The following RHOU variants were observed in gnomAD, a reference collection of about 807,000 sequenced individuals.
RHOU encodes the protein rho-related GTP-binding protein RhoU.
Under a neutral mutation model 12.6 loss-of-function variants are expected in RHOU, and 8 were observed. The observed-to-expected ratio is 0.64, with a 90% CI of 0.37 to 1.15. The LOEUF is 1.15. RHOU is among the 50% of genes most tolerant of loss of function. RHOU has a pLI of 0.01. For synonymous variants in RHOU, 161 were observed against 147.4 expected, an observed-to-expected ratio of 1.09 and a Z score of -0.67; for missense variants, 258 against 347.0, an observed-to-expected ratio of 0.74 and a Z score of 2.04.
At chr1:228,662,267 T>A in the RHOU span, among the ~76,000 whole-genome samples, 1 of 152,192 alleles carries the variant, frequency 6.6e-6, no homozygotes, top group East Asian at 1.9e-4. Context: ...TGGAAGACAG[T>A]GTGGCGATTC....
the RHOU span, among the ~76,000 whole-genome samples, chr1:228,659,133 C>T: frequency 6.6e-6 from 1 of 152,178 alleles, no homozygotes. Context: ...AATCCCAGCA[C>T]TTTGGGAGGC....
chr1:228,707,747 G>C, the RHOU span, among the ~76,000 whole-genome samples: 1 of 152,306 alleles, frequency 6.6e-6, no homozygotes, highest in East Asian at 1.9e-4. Flanking sequence ...AAAAAGCAGA[G>C]TGCCTCTCCT....
the RHOU span, among the ~76,000 whole-genome samples, chr1:228,699,882 C>T: frequency 6.6e-6 from 1 of 152,134 alleles, no homozygotes; most frequent in African/African-American, 2.4e-5. Flanking sequence ...AATGAAATCT[C>T]TCTATAAATC....
At chr1:228,653,026 A>G in the RHOU span, among the ~76,000 whole-genome samples, 2 of 152,372 alleles carry the variant, frequency 1.3e-5, no homozygotes, top group African/African-American at 4.8e-5. Context: ...TCACCTCTAT[A>G]GCAAGATACA....
chr1:228,675,748 A>G, the RHOU span, among the ~76,000 whole-genome samples: 3 of 152,196 alleles, frequency 2.0e-5, no homozygotes, highest in East Asian at 5.8e-4. Context: ...ATTGGATTTC[A>G]TATTGGTATA....
At chr1:228,708,019 C>A in the RHOU span, among the ~76,000 whole-genome samples, 1 of 151,988 alleles carries the variant, frequency 6.6e-6, no homozygotes, top group South Asian at 2.1e-4. Context: ...ATGCAGAAGC[C>A]TCAGGAGCTG....
the RHOU span, among the ~76,000 whole-genome samples, chr1:228,654,621 C>A: frequency 8.5e-5 from 13 of 152,272 alleles, 1 homozygote; most frequent in Middle Eastern, 0.031. Flanking sequence ...TTGTTTATGC[C>A]TACCTCTTTT....
rs1662810014 is a variant in RHOU at position 228,745,496 on chromosome 1, T to C, written c.*1756T>C. On this transcript the variant is annotated 3_prime_UTR_variant, in exon 3 of 3. Transcript: ENST00000366691. ...GTTATACTTTAGGTTAGGGGTTCTA[T>C]TTATTCCTGTTAGTAAATAAAATTA... is the stretch of plus-strand genomic sequence containing the variant. 6.6e-6 allele frequency: 1 copy of C among 152,250 alleles called. No homozygotes were observed. Among genetic ancestry groups the C allele is most frequent in the African/African-American group, 2.4e-5 (1 of 41,462 alleles). The allele number at this position is 152,250 out of a possible 1,614,324, so 9.4% of individuals were successfully genotyped here.
At chr1:228,649,828 A>G in the RHOU span, among the ~76,000 whole-genome samples, 2 of 152,212 alleles carry the variant, frequency 1.3e-5, no homozygotes, top group African/African-American at 4.8e-5. Flanking sequence ...GTTACACTAG[A>G]TCTTCTTTCA....
chr1:228,707,071 G>A, the RHOU span, among the ~76,000 whole-genome samples: 2 of 135,424 alleles, frequency 1.5e-5, no homozygotes, highest in African/African-American at 5.6e-5. Context: ...TAAGCAAGAC[G>A]CTGCCTTTGG....
chr1:228,720,005 A>C, the RHOU span, among the ~76,000 whole-genome samples: 1 of 152,134 alleles, frequency 6.6e-6, no homozygotes, highest in African/African-American at 2.4e-5. Flanking sequence ...ATGAACATTT[A>C]TATTTGGTCT....
At chr1:228,660,699 C>T in the RHOU span, among the ~76,000 whole-genome samples, 6 of 151,560 alleles carry the variant, frequency 4.0e-5, no homozygotes, top group Non-Finnish European at 7.4e-5. Flanking sequence ...TTTAGGAGGC[C>T]GAGGTGGGTG....
At chr1:228,742,791 T>A (rs1273084377) in intron 2 of RHOU, among the ~76,000 whole-genome samples, 1 of 152,152 alleles carries the variant, frequency 6.6e-6, no homozygotes, top group Non-Finnish European at 1.5e-5. Context: ...CACTCAGAGC[T>A]GTTGGGAAAG....
At chr1:228,679,496 G>A in the RHOU span, among the ~76,000 whole-genome samples, 26 of 151,536 alleles carry the variant, frequency 1.7e-4, no homozygotes, top group African/African-American at 5.6e-4. Context: ...TGTGGAGGGA[G>A]GTATTGAGGA....
chr1:228,698,515 G>A, the RHOU span, among the ~76,000 whole-genome samples: 2 of 152,216 alleles, frequency 1.3e-5, no homozygotes, highest in African/African-American at 4.8e-5. Flanking sequence ...TTTAGTATGA[G>A]AATTTAAAGA....
chr1:228,667,092 G>A, the RHOU span, among the ~76,000 whole-genome samples: 1 of 152,180 alleles, frequency 6.6e-6, no homozygotes, highest in Non-Finnish European at 1.5e-5. Flanking sequence ...TAGTCAGGGT[G>A]AAATAAACTT....
the RHOU span, among the ~76,000 whole-genome samples, chr1:228,717,953 T>C: frequency 9.2e-5 from 14 of 152,244 alleles, no homozygotes; most frequent in African/African-American, 3.4e-4. Flanking sequence ...CATGTCTGAA[T>C]ATAAAGGATA....
At chr1:228,716,916 T>C in the RHOU span, among the ~76,000 whole-genome samples, 1 of 152,176 alleles carries the variant, frequency 6.6e-6, no homozygotes, top group African/African-American at 2.4e-5. Flanking sequence ...TCATTTCCTA[T>C]TCAGGAAAAA....
At chr1:228,725,028 ATTTAT>A in the RHOU span, among the ~76,000 whole-genome samples, 1 of 152,138 alleles carries the variant, frequency 6.6e-6, no homozygotes, top group Non-Finnish European at 1.5e-5. Context: ...TCTGACATTT[ATTTAT>A]TTTATTTTAT....
Sources: allele counts gnomAD v4.1 joint callset (sites outside exome capture counted in the v4.1 genomes callset), GRCh38; gene constraint gnomAD v4.1.1; transcripts MANE v1.5; gene names NCBI Gene and HGNC (gene_info 2026-07-23, HGNC 2026-07-21).